The following BAIAP3 variants were observed in gnomAD, a reference collection of about 807,000 sequenced individuals.
The protein encoded by BAIAP3 is BAI1 associated protein 3.
Under a neutral mutation model 149.7 loss-of-function variants are expected in BAIAP3, and 180 were observed. The observed-to-expected ratio is 1.20, with a 90% CI of 1.07 to 1.36. The LOEUF (loss-of-function observed/expected upper bound fraction) is 1.36. Ranked by LOEUF, BAIAP3 falls within the 40% of genes most tolerant of loss-of-function variation. The pLI is 0.00. For missense variants in BAIAP3, 1,767 were observed against 1,563.4 expected, an observed-to-expected ratio of 1.13 and a Z score of -2.20; for synonymous variants, 845 against 670.7, an observed-to-expected ratio of 1.26 and a Z score of -4.02.
intron 22 of BAIAP3, 48 bp downstream of exon 22, chr16:1,345,420 AGCCTCCCCC>A (rs759708000): frequency 1.5e-5 from 22 of 1,451,904 alleles, no homozygotes; most frequent in Middle Eastern, 2.3e-4. Flanking sequence ...CCAGGCCCCC[AGCCTCCCCC>A]GCCTCCCCAG....
At chr16:1,345,936 G>A (rs545962747) in intron 23 of BAIAP3, 46 bp downstream of exon 23, 1 of 1,584,822 alleles carries the variant, frequency 6.3e-7, no homozygotes, top group African/African-American at 1.3e-5. Flanking sequence ...TGGGAGAGGA[G>A]ATGGGGCAGG....
chr16:1,343,067 A>G, intron 14 of BAIAP3, 51 bp downstream of exon 14: 2 of 1,158,772 alleles, frequency 1.7e-6, no homozygotes, highest in South Asian at 1.3e-5. Flanking sequence ...GGCGTGAGCG[A>G]GTGGGGCATC....
chr16:1,339,287 C>T (rs573457843), intron 4 of BAIAP3, 43 bp downstream of exon 4: 5 of 1,544,686 alleles, frequency 3.2e-6, no homozygotes, highest in Middle Eastern at 4.3e-4. Context: ...TCTGCAGCGG[C>T]TGCTCCCTCA....
At chr16:1,336,429 A>C in intron 1 of BAIAP3, 190 of 973,882 alleles carry the variant, frequency 2.0e-4, no homozygotes, top group Non-Finnish European at 2.1e-4. Context: ...ATTGCCTCTC[A>C]CAGGGTGGGA....
chr16:1,346,737 G>C (rs542789937), intron 27 of BAIAP3, 53 bp downstream of exon 27: 1 of 1,527,582 alleles, frequency 6.5e-7, no homozygotes, highest in Non-Finnish European at 8.8e-7. Flanking sequence ...CACTGAGGCC[G>C]CCCTGCAGGG....
In BAIAP3 at chr16:1,342,037, AG is replaced by A; in HGVS notation, c.829del (p.Val277SerfsTer4). On this transcript the variant is annotated frameshift_variant, in exon 10 of 34. Coordinates refer to ENST00000426824, the MANE Select transcript of BAIAP3 (RefSeq NM_001199097.2). LOFTEE classifies it high-confidence loss of function. ...TAGAAGCGTGCAGGAAGCTGAATGAAGTCATCGGCCTGAAGGGCATGGGCAG... is the reference window on the plus strand; with the variant it reads ...TAGAAGCGTGCAGGAAGCTGAATGAATCATCGGCCTGAAGGGCATGGGCAG... ...LVEACRKLNE[V>X]IGLKGMGRYF... 4 of 1,607,314 alleles carry A rather than the reference AG, an allele frequency of 2.5e-6. No individual in the cohort carries two copies. The highest frequency in any genetic ancestry group is 3.4e-6 in the Non-Finnish European group (4 of 1,176,992).
At chr16:1,334,603 G>T in intron 1 of BAIAP3, 1 of 1,497,182 alleles carries the variant, frequency 6.7e-7, no homozygotes, top group Non-Finnish European at 9.1e-7. Flanking sequence ...TGAGGCTTCG[G>T]GGAGCCCAAG....
intron 14 of BAIAP3, 159 bp downstream of exon 14, chr16:1,343,175 A>T: frequency 1.8e-6 from 2 of 1,098,920 alleles, no homozygotes; most frequent in Non-Finnish European, 2.6e-6. Context: ...GCGGGAAGGG[A>T]AGGGGGCGGT....
In BAIAP3 at chr16:1,342,552, G is replaced by T. The variant is rs756613104; in HGVS notation, c.983G>T (p.Arg328Leu). 1 of 1,553,750 alleles carries T rather than the reference G, an allele frequency of 6.4e-7. No homozygotes were observed. Among genetic ancestry groups the T allele is most frequent in the South Asian group, 1.2e-5 (1 of 84,538 alleles). Reference sequence around the variant, plus strand: ...GAGGTGCCTGTGGCTGGCGTCGACCGCTGGTTCAAGCTGGAGCCACGCTCC... The same window carrying T: ...GAGGTGCCTGTGGCTGGCGTCGACCTCTGGTTCAAGCTGGAGCCACGCTCC... ...VREVPVAGVD[R>L]WFKLEPRSSA... The change falls in exon 12 of 34, where the codon CGC (arginine) becomes CTC (leucine). Residue 328 changes from arginine (R) to leucine (L), a missense_variant. Coordinates refer to ENST00000426824, the MANE Select transcript of BAIAP3 (RefSeq NM_001199097.2).
At position 1,346,935 on chromosome 16, in the gene BAIAP3, C is replaced by T. The variant is rs146400548; in HGVS notation, c.2731C>T (p.Arg911Cys). 3.4e-5 allele frequency: 54 copies of T among 1,611,090 alleles called. No individual in the cohort carries two copies. The highest frequency in any genetic ancestry group is 4.4e-5 in the South Asian group (4 of 90,810). ...NRDVSADFYS[R>C]FHFTLEALVS... Reference sequence around the variant, plus strand: ...TGACGTCTCTGCTGATTTCTACAGCCGCTTCCATTTCACGCTGGAGGTAGA... The same window carrying T: ...TGACGTCTCTGCTGATTTCTACAGCTGCTTCCATTTCACGCTGGAGGTAGA... Residue 911 changes from arginine (R) to cysteine (C), a missense_variant, in exon 28 of 34, where the codon CGC (arginine) becomes TGC (cysteine). Transcript: ENST00000426824.
Position 1,336,356 on chromosome 16 carries a change from G to C in BAIAP3, c.-10-2184G>C, listed in dbSNP as rs990786334. The C allele has an allele frequency of 5.1e-6, 5 of 985,024 alleles. No individual in the cohort carries two copies. In the African/African-American group the frequency reaches 7.0e-5, roughly 14 times the overall value. The allele number at this position is 985,024 out of a possible 1,614,324, so 61.0% of individuals were successfully genotyped here. A position where few individuals can be genotyped will look rare whatever the true frequency, so the allele number is the denominator to read the frequency against. ...AGCCTACCAAGCCCCCCCATCTTTT[G>C]GGGGGGAGGCTCACAGGGGAAGGCA... On this transcript the variant is annotated intron_variant, in intron 1 of 33. Transcript: ENST00000426824.
At chr16:1,336,221 G>A (rs2033444668) in intron 1 of BAIAP3, 1 of 985,246 alleles carries the variant, frequency 1.0e-6, no homozygotes, top group Non-Finnish European at 1.2e-6. Flanking sequence ...ACAGCAGGGG[G>A]AGCAGCCTCT....
Position 1,345,074 on chromosome 16 carries a change from C to A in BAIAP3, c.1915C>A (p.Arg639Ser). 5.0e-6 allele frequency: 8 copies of A among 1,612,520 alleles called. No individual in the cohort carries two copies. The highest frequency in any genetic ancestry group is 6.8e-6 in the Non-Finnish European group (8 of 1,179,994). ...ELYLTLADLQ[R>S]FWDSIPGRDS... ...CTACCTGACCCTGGCTGACCTCCAG[C>A]GCTTCTGGGATAGCATCCCTGGCCG... Residue 639 changes from arginine (R) to serine (S), a missense_variant, in exon 21 of 34, where the codon CGC (arginine) becomes AGC (serine). Arg to Ser is a moderately radical substitution (Grantham distance 110). Transcript: ENST00000426824.
rs375091615 is a variant in BAIAP3, at chr16:1,345,222, C to G, written c.1941-27C>G. On this transcript the variant is annotated intron_variant, in intron 21 of 33. Coordinates refer to ENST00000426824, the MANE Select transcript of BAIAP3 (RefSeq NM_001199097.2). ...CTGGTTAAGGTGTCTGAGTCAGGGC[C>G]GAGCCCTCACAACCCTCCCACCACA... 17 of 1,611,358 alleles carry G rather than the reference C, an allele frequency of 1.1e-5. No individual in the cohort carries two copies. In the East Asian group the frequency reaches 1.1e-4, roughly 11 times the overall value.
chr16:1,337,834 A>C (rs555439948), intron 1 of BAIAP3, among the ~76,000 whole-genome samples: 1 of 152,286 alleles, frequency 6.6e-6, no homozygotes, highest in African/African-American at 2.4e-5. Flanking sequence ...GTTTGTACCA[A>C]CTATGGGGAG....
rs1278859075 is a variant in BAIAP3 at position 1,348,175 on chromosome 16, A to G, written c.3229A>G (p.Asn1077Asp). ...CATGGACCACGACTGGCTGTCCACC[A>G]ACGACTTCGCTGGGGAGGCGGCCCT... ...TVMDHDWLSTNDFAGEAALGL... is the reference protein window; with the variant it reads ...TVMDHDWLSTDDFAGEAALGL... The change falls in exon 33 of 34, where the codon AAC becomes GAC. Residue 1077 changes from asparagine (N) to aspartate (D), a missense_variant. Physicochemically the swap from Asn to Asp is conservative, Grantham distance 23. Coordinates refer to ENST00000426824, the MANE Select transcript of BAIAP3 (RefSeq NM_001199097.2). The G allele has an allele frequency of 1.9e-6, 3 of 1,609,034 alleles. No homozygotes were observed. The highest frequency in any genetic ancestry group is 1.7e-6 in the Non-Finnish European group (2 of 1,179,752).
chr16:1,340,605 C>A (rs1425389374), intron 5 of BAIAP3, among the ~76,000 whole-genome samples: 1 of 150,542 alleles, frequency 6.6e-6, no homozygotes, highest in Non-Finnish European at 1.5e-5. Context: ...CACACACATA[C>A]ATGCACATAG....
chr16:1,344,075 G>T lies in BAIAP3; in HGVS notation c.1440G>T (p.Leu480=). ...LSAFSEFGLQ[L]LRQLRDYFPA... ...CCTTCTCTGAGTTCGGGCTGCAGCT[G>T]CTGCGCCAGCTCCGAGACTACTTCC... Residue 480 remains leucine, a synonymous_variant, in exon 16 of 34, where the codon CTG becomes CTT. Coordinates refer to ENST00000426824, the MANE Select transcript of BAIAP3 (RefSeq NM_001199097.2). 1 of 1,612,260 alleles carries T rather than the reference G, an allele frequency of 6.2e-7. No individual in the cohort carries two copies. The highest frequency in any genetic ancestry group is 1.6e-4 in the Middle Eastern group (1 of 6,062).
In BAIAP3 at chr16:1,341,366, A is replaced by C. The variant is rs1430463841; in HGVS notation, c.608A>C (p.Lys203Thr). Residue 203 changes from lysine (K) to threonine (T), a missense_variant, in exon 8 of 34, where the codon AAG becomes ACG. Transcript: ENST00000426824. ...SDATREPRAQ[K>T]EQRFGFRKGS... ...GCCACGCGGGAGCCCCGTGCACAGA[A>C]GGAGCAGCGCTTCGGCTTCCGCAAG... 3 of 1,612,520 alleles carry C rather than the reference A, an allele frequency of 1.9e-6. No individual in the cohort carries two copies. The highest frequency in any genetic ancestry group is 2.5e-6 in the Non-Finnish European group (3 of 1,179,890).
Sources: gnomAD v4.1 joint callset for allele counts (sites outside exome capture counted in the v4.1 genomes callset) on GRCh38, gnomAD v4.1.1 for gene constraint, MANE v1.5 for transcripts, NCBI Gene and HGNC (gene_info 2026-07-23, HGNC 2026-07-21) for gene names.